Variants in GSE1 observed in about 807,000 individuals in gnomAD.
The protein encoded by GSE1 is genetic suppressor element 1.
GSE1 carries 32 observed loss-of-function variants against 112.6 expected under a neutral mutation model. The observed-to-expected ratio is 0.28, with a 90% CI of 0.21 to 0.38. The LOEUF (loss-of-function observed/expected upper bound fraction) is 0.38, where lower values mean the gene tolerates loss of function less well. Among genes scored for constraint, GSE1 ranks in the 10% least tolerant of loss-of-function variants. The pLI, the probability that GSE1 is intolerant of heterozygous loss-of-function variation, is 1.00. For synonymous variants in GSE1, 1,115 were observed against 735.6 expected, an observed-to-expected ratio of 1.52 and a Z score of -8.35; for missense variants, 2,348 against 1,699.2, an observed-to-expected ratio of 1.38 and a Z score of -6.71.
At chr16:85,264,904 A>G (rs1908079347) in intron 1 of GSE1, among the ~76,000 whole-genome samples, 1 of 152,104 alleles carries the variant, frequency 6.6e-6, no homozygotes, top group Non-Finnish European at 1.5e-5. Flanking sequence ...CCTACTTCCA[A>G]GCTGTGTGAG....
intron 1 of GSE1, among the ~76,000 whole-genome samples, chr16:85,317,029 C>G (rs1396314643): frequency 6.6e-6 from 1 of 152,212 alleles, no homozygotes; most frequent in African/African-American, 2.4e-5. Context: ...GGGCCTAAGG[C>G]AGAGGCAGGC....
chr16:85,555,397 G>T (rs201445446), upstream of GSE1: 237 of 984,294 alleles, frequency 2.4e-4, 3 homozygotes, highest in East Asian at 0.011. Context: ...CCAAAAAAGG[G>T]GGGGGAGGGG....
At chr16:85,555,895 C>G, upstream of GSE1, 1 of 801,436 alleles carries the variant, frequency 1.2e-6, no homozygotes, top group African/African-American at 1.9e-5. Flanking sequence ...CTCACCTCCC[C>G]CCTTTATTTT....
chr16:85,180,546 C>T (rs949387867), intron 1 of GSE1, among the ~76,000 whole-genome samples: 5 of 152,370 alleles, frequency 3.3e-5, no homozygotes, highest in East Asian at 1.9e-4. Flanking sequence ...AGCCAGTGTC[C>T]GAAGAGTTTT....
intron 1 of GSE1, among the ~76,000 whole-genome samples, chr16:85,626,139 G>GA (rs931877784): frequency 3.9e-4 from 58 of 150,086 alleles, no homozygotes; most frequent in Admixed American, 1.4e-3. Context: ...TTTTTATTTG[G>GA]AAAAAAAAAA....
At chr16:85,254,926 A>G (rs1906901090) in intron 1 of GSE1, among the ~76,000 whole-genome samples, 1 of 152,194 alleles carries the variant, frequency 6.6e-6, no homozygotes, top group Admixed American at 6.5e-5. Context: ...TGCTCTGCCC[A>G]CCACAGTGCG....
At chr16:85,646,479 G>T (rs559716743) in intron 2 of GSE1, among the ~76,000 whole-genome samples, 33 of 152,372 alleles carry the variant, frequency 2.2e-4, no homozygotes, top group South Asian at 1.0e-3. Context: ...CCTGCCCCCA[G>T]TGGACACTGC....
At position 85,613,413 on chromosome 16, in the gene GSE1, C is replaced by G. The variant is rs1389005176; in HGVS notation, c.7+15C>G. ...TGGCATGAAAGGTGAGCGCGCCGCA[C>G]CCGGCCGGGGACGGGGTCCTCCCCC... is the stretch of plus-strand genomic sequence containing the variant. On this transcript the variant is annotated intron_variant, in intron 1 of 15. Coordinates refer to ENST00000253458, the MANE Select transcript of GSE1 (RefSeq NM_014615.5). The G allele has an allele frequency of 6.4e-7, 1 of 1,553,428 alleles. No individual in the cohort carries two copies. The highest frequency in any genetic ancestry group is 1.4e-5 in the African/African-American group (1 of 72,314).
intron 2 of GSE1, among the ~76,000 whole-genome samples, chr16:85,494,729 C>G (rs1362920117): frequency 6.6e-6 from 1 of 152,182 alleles, no homozygotes; most frequent in Non-Finnish European, 1.5e-5. Context: ...TTCTGAGATT[C>G]TGGGTGGATA....
rs570697489 is a variant in GSE1 at position 85,661,961 on chromosome 16, G to C, written c.2260+196G>C. On this transcript the variant is annotated intron_variant, in intron 9 of 15. Transcript: ENST00000253458. ...GTAGGGGAGGCAGACCCTAGTCCCC[G>C]TGCCTGTCCTGCCTCGATGCAAATT... Among the ~76,000 whole-genome samples, 18 of 152,294 alleles carry C rather than the reference G, an allele frequency of 1.2e-4. No homozygotes were observed. In the South Asian group the frequency reaches 1.9e-3, roughly 16 times the overall value.
intron 2 of GSE1, among the ~76,000 whole-genome samples, chr16:85,390,948 G>A (rs1329026167): frequency 6.6e-6 from 1 of 152,222 alleles, no homozygotes; most frequent in Non-Finnish European, 1.5e-5. Context: ...GCCGGGCAAC[G>A]CGGGGAACTG....
chr16:85,437,780 C>T (rs1450345599), intron 2 of GSE1, among the ~76,000 whole-genome samples: 1 of 152,200 alleles, frequency 6.6e-6, no homozygotes, highest in African/African-American at 2.4e-5. Context: ...AGGCCGAACA[C>T]CACCGCCTAG....
Position 85,223,488 on chromosome 16 carries a change from A to G in GSE1, c.2283+51681A>G, listed in dbSNP as rs143470801. Reference sequence around the variant, plus strand: ...CAGTGAGCCAAGATCGTGCCACCGCACTCCAGCCTGGGCAACAGAGCAAGA... The same window carrying G: ...CAGTGAGCCAAGATCGTGCCACCGCGCTCCAGCCTGGGCAACAGAGCAAGA... On this transcript the variant is annotated intron_variant, in intron 1 of 2. Coordinates refer to the GSE1 transcript ENST00000637419. Among the ~76,000 whole-genome samples, 1,104 of 151,494 alleles carry G rather than the reference A, an allele frequency of 7.3e-3. 19 individuals are homozygous for G. The highest frequency in any genetic ancestry group is 0.025 in the African/African-American group (1,035 of 41,348).
intron 1 of GSE1, among the ~76,000 whole-genome samples, chr16:85,613,851 CGG>C (rs1450179946): frequency 9.4e-5 from 2 of 21,186 alleles, no homozygotes; most frequent in African/African-American, 3.9e-4. Context: ...GCCGAGGAAG[CGG>C]GGGTGTGGGG....
At chr16:85,621,007 G>A (rs2048701175) in intron 1 of GSE1, among the ~76,000 whole-genome samples, 1 of 151,806 alleles carries the variant, frequency 6.6e-6, no homozygotes, top group African/African-American at 2.4e-5. Flanking sequence ...CTGTGTTGGG[G>A]AATCCGTTTA....
At chr16:85,413,880 A>C (rs2048643238) in intron 2 of GSE1, among the ~76,000 whole-genome samples, 1 of 152,094 alleles carries the variant, frequency 6.6e-6, no homozygotes, top group Admixed American at 6.5e-5. Flanking sequence ...CGTGATAGTG[A>C]GTGAGTTCTC....
chr16:85,385,287 A>C (rs958896689), intron 2 of GSE1, among the ~76,000 whole-genome samples: 1 of 152,184 alleles, frequency 6.6e-6, no homozygotes, highest in African/African-American at 2.4e-5. Context: ...TCTCTGGCCC[A>C]GGTGCAGGCA....
chr16:85,608,978 A>C (rs1567642921), upstream of GSE1, among the ~76,000 whole-genome samples: 1 of 152,180 alleles, frequency 6.6e-6, no homozygotes, highest in Non-Finnish European at 1.5e-5. Context: ...GCCCTAGAAG[A>C]AGCAAGAACC....
intron 1 of GSE1, among the ~76,000 whole-genome samples, chr16:85,597,141 G>A (rs992713896): frequency 1.1e-4 from 16 of 151,682 alleles, no homozygotes; most frequent in Non-Finnish European, 1.8e-4. Flanking sequence ...ACCATGCCCG[G>A]CTAATTTTTG....
Sources: allele counts gnomAD v4.1 joint callset (sites outside exome capture counted in the v4.1 genomes callset), GRCh38; gene constraint gnomAD v4.1.1; transcripts MANE v1.5; gene names NCBI Gene and HGNC (gene_info 2026-07-23, HGNC 2026-07-21).